RSRC1: variants seen among roughly 807,000 people sequenced by gnomAD.
The protein encoded by RSRC1 is arginine and serine rich coiled-coil 1.
Under a neutral mutation model 49.1 loss-of-function variants are expected in RSRC1, and 39 were observed. The observed-to-expected ratio is 0.79, with a 90% CI of 0.61 to 1.04. The LOEUF is 1.04. Among genes scored for constraint, RSRC1 ranks in the 50% least tolerant of loss-of-function variants. RSRC1 has a pLI of 0.00. For missense variants in RSRC1, 388 were observed against 402.4 expected (o/e 0.96, Z 0.31); for synonymous variants, 143 against 130.8 (o/e 1.09, Z -0.63).
At chr3:158,350,738 T>C (rs1183054871) in intron 5 of RSRC1, among the ~76,000 whole-genome samples, 2 of 152,234 alleles carry the variant, frequency 1.3e-5, no homozygotes, top group East Asian at 3.8e-4. Context: ...TGCTATATTC[T>C]TTGCGTCTGT....
chr3:158,136,452 C>T (rs1716383040), intron 3 of RSRC1, among the ~76,000 whole-genome samples: 1 of 152,142 alleles, frequency 6.6e-6, no homozygotes, highest in African/African-American at 2.4e-5. Context: ...CTCTAGTTTG[C>T]ACTGAGCTAA....
At chr3:158,507,559 T>C (rs551845833) in intron 7 of RSRC1, among the ~76,000 whole-genome samples, 51 of 152,288 alleles carry the variant, frequency 3.3e-4, no homozygotes, top group South Asian at 1.5e-3. Context: ...GGCAGGTTTT[T>C]ATAGGTGATA....
intron 1 of RSRC1, among the ~76,000 whole-genome samples, chr3:158,119,832 CTT>C (rs35646318): frequency 7.0e-5 from 9 of 129,052 alleles, no homozygotes; most frequent in African/African-American, 5.9e-5. Context: ...ATTTCATAGT[CTT>C]TTTTTTTTTT....
intron 4 of RSRC1, among the ~76,000 whole-genome samples, chr3:158,220,431 G>A (rs698978): frequency 0.95 from 143,461 of 151,562 alleles, 68,001 homozygotes; most frequent in East Asian, 1. Context: ...TTCTGACGCC[G>A]TACCGAAAGC....
chr3:158,235,941 C>A (rs971855713), intron 4 of RSRC1, among the ~76,000 whole-genome samples: 1 of 152,026 alleles, frequency 6.6e-6, no homozygotes, highest in Non-Finnish European at 1.5e-5. Context: ...CATGGTGAAA[C>A]CCTGCATCTA....
intron 4 of RSRC1, among the ~76,000 whole-genome samples, chr3:158,290,463 G>A (rs951914733): frequency 6.6e-6 from 1 of 152,034 alleles, no homozygotes; most frequent in Non-Finnish European, 1.5e-5. Flanking sequence ...TTTTAGTAGA[G>A]ATGGGGTTTC....
At chr3:158,403,792 A>C (rs1270802417) in intron 6 of RSRC1, among the ~76,000 whole-genome samples, 1 of 151,770 alleles carries the variant, frequency 6.6e-6, no homozygotes, top group Admixed American at 6.6e-5. Context: ...TTTAGTGATC[A>C]CTAAATTTGG....
At chr3:158,482,842 TG>T (rs1267681388) in intron 7 of RSRC1, among the ~76,000 whole-genome samples, 3 of 152,032 alleles carry the variant, frequency 2.0e-5, no homozygotes, top group Non-Finnish European at 1.5e-5. Flanking sequence ...TTATTGTAAT[TG>T]TATTGCCAAA....
intron 7 of RSRC1, among the ~76,000 whole-genome samples, chr3:158,491,494 G>A (rs767042406): frequency 9.9e-5 from 15 of 152,148 alleles, no homozygotes; most frequent in Non-Finnish European, 7.3e-5. Flanking sequence ...CCTGAGTTAG[G>A]TATGGCTCTT....
At chr3:158,178,786 C>T (rs1398628260) in intron 3 of RSRC1, among the ~76,000 whole-genome samples, 5 of 152,112 alleles carry the variant, frequency 3.3e-5, no homozygotes, top group Non-Finnish European at 5.9e-5. Context: ...GAAGGAGTGT[C>T]TTTCTGTTTG....
At chr3:158,451,155 T>C (rs1737003932) in intron 6 of RSRC1, among the ~76,000 whole-genome samples, 1 of 151,936 alleles carries the variant, frequency 6.6e-6, no homozygotes, top group African/African-American at 2.4e-5. Flanking sequence ...TTTCTTCTTA[T>C]ATAACTAAGT....
chr3:158,227,205 C>T (rs1214698402), intron 4 of RSRC1, among the ~76,000 whole-genome samples: 1 of 151,824 alleles, frequency 6.6e-6, no homozygotes, highest in Admixed American at 6.6e-5. Flanking sequence ...ACTATATAAA[C>T]ACACTGTGTG....
intron 7 of RSRC1, among the ~76,000 whole-genome samples, chr3:158,518,857 T>C (rs1711510951): frequency 6.6e-6 from 1 of 152,208 alleles, no homozygotes; most frequent in Admixed American, 6.5e-5. Context: ...CTTTTCTTCT[T>C]CTTGATTTCC....
At chr3:158,266,520 G>A (rs551743323) in intron 4 of RSRC1, among the ~76,000 whole-genome samples, 1 of 152,252 alleles carries the variant, frequency 6.6e-6, no homozygotes, top group Non-Finnish European at 1.5e-5. Context: ...TACTTGAAAA[G>A]AGTGAGCTTC....
intron 7 of RSRC1, among the ~76,000 whole-genome samples, chr3:158,490,364 G>A (rs1477408052): frequency 6.6e-6 from 1 of 152,148 alleles, no homozygotes; most frequent in Non-Finnish European, 1.5e-5. Context: ...GATTACAGGC[G>A]TGAGCCACCA....
intron 5 of RSRC1, among the ~76,000 whole-genome samples, chr3:158,317,289 C>T (rs886995490): frequency 7.9e-5 from 12 of 152,124 alleles, no homozygotes; most frequent in South Asian, 2.1e-4. Flanking sequence ...AGTATAGTGG[C>T]GTGATCTCGG....
chr3:158,367,627 G>A (rs1306897099), intron 6 of RSRC1, among the ~76,000 whole-genome samples: 1 of 152,154 alleles, frequency 6.6e-6, no homozygotes, highest in African/African-American at 2.4e-5. Context: ...TCTCTGCCAG[G>A]TTTTGGTATC....
chr3:158,439,469 G>A (rs1318230425), intron 6 of RSRC1, among the ~76,000 whole-genome samples: 7 of 152,100 alleles, frequency 4.6e-5, no homozygotes, highest in African/African-American at 1.7e-4. Flanking sequence ...ATACACCATG[G>A]AATACTATGC....
intron 6 of RSRC1, among the ~76,000 whole-genome samples, chr3:158,411,274 G>T (rs1017692191): frequency 2.6e-5 from 4 of 152,074 alleles, no homozygotes; most frequent in African/African-American, 7.2e-5. Context: ...GAAAATGTCT[G>T]TGTCCTGGCA....
Sources: allele counts gnomAD v4.1 joint callset (sites outside exome capture counted in the v4.1 genomes callset), GRCh38; gene constraint gnomAD v4.1.1; transcripts MANE v1.5; gene names NCBI Gene and HGNC (gene_info 2026-07-23, HGNC 2026-07-21).